The following NRXN3 variants were observed in gnomAD, a reference collection of about 807,000 sequenced individuals.
NRXN3 encodes neurexin 3, also known as neurexin III.
In NRXN3, 32 loss-of-function variants were observed where a neutral mutation model predicts 137.6. The ratio of observed to expected loss-of-function variants is 0.23; its 90% CI spans 0.18 to 0.31. NRXN3 has a LOEUF of 0.31. Ranked by LOEUF, NRXN3 falls within the 10% of genes least tolerant of loss-of-function variation. NRXN3 has a pLI of 1.00. For synonymous variants in NRXN3, 798 were observed against 784.5 expected (o/e 1.02, Z -0.29); for missense variants, 1,574 against 2,062.5 (o/e 0.76, Z 4.59).
At chr14:78,445,290 C>T (rs1399389670) in intron 4 of NRXN3, among the ~76,000 whole-genome samples, 3 of 152,190 alleles carry the variant, frequency 2.0e-5, no homozygotes, top group Non-Finnish European at 4.4e-5. Context: ...GATCTACTAG[C>T]TCTGCAGCAT....
At chr14:79,559,588 A>G (rs188655675) in intron 16 of NRXN3, among the ~76,000 whole-genome samples, 1 of 152,278 alleles carries the variant, frequency 6.6e-6, no homozygotes, top group East Asian at 1.9e-4. Flanking sequence ...AATAATGAAA[A>G]CATTTGAAAT....
At chr14:78,443,679 T>G (rs1330165466) in intron 4 of NRXN3, among the ~76,000 whole-genome samples, 1 of 152,160 alleles carries the variant, frequency 6.6e-6, no homozygotes, top group African/African-American at 2.4e-5. Flanking sequence ...TTGGTTTGAG[T>G]TATTTAACCT....
At chr14:78,901,745 G>A (rs563050140) in intron 10 of NRXN3, among the ~76,000 whole-genome samples, 271 of 152,152 alleles carry the variant, frequency 1.8e-3, no homozygotes, top group Non-Finnish European at 2.8e-3. Context: ...GGCACAGGCT[G>A]CCTCCTCTGT....
rs117956910 is a variant in NRXN3, at chr14:79,331,651, G to A, written c.3263-135570G>A. 6.8e-3 allele frequency among the ~76,000 whole-genome samples: 1,037 copies of A among 152,172 alleles called. 11 individuals carry two copies. Among genetic ancestry groups the A allele is most frequent in the African/African-American group, 0.024 (985 of 41,484 alleles). ...CAGTCACCTTTAATTACCCACCACC[G>A]TTAAGATTAGGAAGTAAATGCTGAA... On this transcript the variant is annotated intron_variant, in intron 15 of 20. Coordinates refer to ENST00000335750, the MANE Select transcript of NRXN3 (RefSeq NM_001330195.2).
intron 14 of NRXN3, among the ~76,000 whole-genome samples, chr14:78,985,790 T>C (rs1204201149): frequency 2.0e-5 from 3 of 152,220 alleles, no homozygotes; most frequent in African/African-American, 7.2e-5. Context: ...GAAGCTTTTA[T>C]CCTTTGAAAG....
At chr14:79,376,074 A>G (rs1165374007) in intron 15 of NRXN3, among the ~76,000 whole-genome samples, 1 of 147,936 alleles carries the variant, frequency 6.8e-6, no homozygotes, top group African/African-American at 2.5e-5. Context: ...TCTCTCACAA[A>G]TATTGTTTTA....
chr14:78,257,764 G>A (rs933517363), intron 2 of NRXN3, among the ~76,000 whole-genome samples: 4 of 152,160 alleles, frequency 2.6e-5, no homozygotes, highest in South Asian at 2.1e-4. Context: ...TTCCACAACC[G>A]GGAACCATTG....
intron 6 of NRXN3, among the ~76,000 whole-genome samples, chr14:78,666,508 A>G (rs1314247805): frequency 6.6e-6 from 1 of 152,200 alleles, no homozygotes; most frequent in Non-Finnish European, 1.5e-5. Flanking sequence ...TGTAGAATTC[A>G]ATAGGTTTAG....
At chr14:78,790,659 G>A (rs1333749854) in intron 8 of NRXN3, among the ~76,000 whole-genome samples, 1 of 152,208 alleles carries the variant, frequency 6.6e-6, no homozygotes, top group African/African-American at 2.4e-5. Context: ...TGTGATGCCA[G>A]TTGCTGCATG....
chr14:79,503,434 G>A (rs936183383), intron 16 of NRXN3, among the ~76,000 whole-genome samples: 15 of 152,098 alleles, frequency 9.9e-5, no homozygotes, highest in East Asian at 3.9e-4. Context: ...CAGGGACCGC[G>A]TTACCAAGTG....
At chr14:78,259,877 G>A (rs570036006) in intron 2 of NRXN3, among the ~76,000 whole-genome samples, 6 of 152,146 alleles carry the variant, frequency 3.9e-5, no homozygotes, top group African/African-American at 4.8e-5. Flanking sequence ...CTTATCTAGC[G>A]TAAGTCAGAA....
intron 15 of NRXN3, among the ~76,000 whole-genome samples, chr14:79,330,939 T>C (rs184501932): frequency 3.4e-4 from 51 of 152,182 alleles, no homozygotes; most frequent in African/African-American, 1.2e-3. Flanking sequence ...GCCAAAGCCA[T>C]TTGTTGGCTC....
At chr14:78,698,912 G>A (rs1362291672) in intron 6 of NRXN3, among the ~76,000 whole-genome samples, 1 of 152,034 alleles carries the variant, frequency 6.6e-6, no homozygotes, top group Admixed American at 6.6e-5. Flanking sequence ...AGGCAGAATA[G>A]ATATAGAGGC....
rs74691851 is a variant in NRXN3 at position 79,794,398 on chromosome 14, A to C, written c.4015-10714A>C. ...AACAAACAAACAAACAAAAAAACAA[A>C]AAAAAAACAAGAAGAGGTCTCCGGG... On this transcript the variant is annotated intron_variant, in intron 19 of 20. Transcript: ENST00000335750. Among the ~76,000 whole-genome samples, 427 of 152,080 alleles carry C rather than the reference A, an allele frequency of 2.8e-3. 1 individual carries two copies. The highest frequency in any genetic ancestry group is 0.01 in the African/African-American group (416 of 41,488).
At chr14:78,372,987 C>T (rs2087140023) in intron 4 of NRXN3, among the ~76,000 whole-genome samples, 1 of 152,130 alleles carries the variant, frequency 6.6e-6, no homozygotes, top group African/African-American at 2.4e-5. Flanking sequence ...TAATGAAGTT[C>T]TGGGTTAAAG....
chr14:79,572,459 T>C (rs1602294555), intron 16 of NRXN3, among the ~76,000 whole-genome samples: 1 of 152,324 alleles, frequency 6.6e-6, no homozygotes, highest in Non-Finnish European at 1.5e-5. Flanking sequence ...AAATAATGCA[T>C]GTAACTTGCC....
At position 78,732,441 on chromosome 14, in the gene NRXN3, G is replaced by A. The variant is rs187107819; in HGVS notation, c.2044+17302G>A. 5.3e-5 allele frequency among the ~76,000 whole-genome samples: 8 copies of A among 152,234 alleles called. No homozygotes were observed. In the East Asian group the frequency reaches 1.5e-3, roughly 29 times the overall value. On this transcript the variant is annotated intron_variant, in intron 8 of 20. Coordinates refer to ENST00000335750, the MANE Select transcript of NRXN3 (RefSeq NM_001330195.2). ...TCCATAGGTTGATCCAAGAAGACTA[G>A]TTTTTTATCCTTTCTGTTAACCTCT...
chr14:78,453,211 A>G (rs2094592258), intron 4 of NRXN3, among the ~76,000 whole-genome samples: 1 of 152,134 alleles, frequency 6.6e-6, no homozygotes, highest in Non-Finnish European at 1.5e-5. Flanking sequence ...TTGGGCATTG[A>G]TAGTGTTTAA....
rs77333179 is a variant in NRXN3, at chr14:78,365,060, A to T, written c.757+67200A>T. Among the ~76,000 whole-genome samples the T allele has an allele frequency of 8.2e-3, 1,243 of 152,172 alleles. 40 individuals are homozygous for T. In the East Asian group the frequency reaches 0.085, roughly 10 times the overall value. ...GAACCAACAGGATTAGCAAGAAATT[A>T]AAAAAAATTAATCTACATCTCATTC... On this transcript the variant is annotated intron_variant, in intron 4 of 20. Transcript: ENST00000335750.
Sources: gnomAD v4.1 joint callset for allele counts (sites outside exome capture counted in the v4.1 genomes callset) on GRCh38, gnomAD v4.1.1 for gene constraint, MANE v1.5 for transcripts, NCBI Gene and HGNC (gene_info 2026-07-23, HGNC 2026-07-21) for gene names.